The following SPOCK3 variants were observed in gnomAD, a reference collection of about 807,000 sequenced individuals.
SPOCK3 encodes SPARC (osteonectin), cwcv and kazal like domains proteoglycan 3, also known as testican-3.
Under a neutral mutation model 56.6 loss-of-function variants are expected in SPOCK3, and 30 were observed. The ratio of observed to expected loss-of-function variants is 0.53; its 90% CI spans 0.40 to 0.72. SPOCK3 has a LOEUF of 0.72. Among genes scored for constraint, SPOCK3 ranks in the 30% least tolerant of loss-of-function variants. The pLI, the probability that SPOCK3 is intolerant of heterozygous loss-of-function variation, is 0.00. For missense variants in SPOCK3, 527 were observed against 530.0 expected (o/e 0.99, Z 0.06); for synonymous variants, 196 against 183.3 (o/e 1.07, Z -0.56).
chr4:166,776,612 C>G (rs535096253), intron 7 of SPOCK3, among the ~76,000 whole-genome samples: 1 of 152,136 alleles, frequency 6.6e-6, no homozygotes, highest in East Asian at 1.9e-4. Context: ...CCAAACAGTA[C>G]AAATTTATCA....
At chr4:166,798,910 G>GA (rs752939406) in intron 6 of SPOCK3, among the ~76,000 whole-genome samples, 85 of 151,878 alleles carry the variant, frequency 5.6e-4, no homozygotes, top group Admixed American at 1.0e-3. Flanking sequence ...TGATTGTGCA[G>GA]AAAAAAAATA....
intron 8 of SPOCK3, 50 bp downstream of exon 8, chr4:166,754,458 A>C (rs567534898): frequency 6.4e-7 from 1 of 1,567,668 alleles, no homozygotes; most frequent in South Asian, 1.2e-5. Context: ...AATAAGTAAA[A>C]TTTGACATGC....
In SPOCK3 at chr4:166,950,329, G is replaced by C. The variant is rs551070687; in HGVS notation, c.351-37586C>G. Among the ~76,000 whole-genome samples, 195 of 151,452 alleles carry C rather than the reference G, an allele frequency of 1.3e-3. 1 individual carries two copies. The Middle Eastern group carries it at 0.017, about 13-fold the overall frequency. The stretch of plus-strand genomic sequence containing the variant: ...GACTTTAAACCAACAAAGATCAAAA[G>C]AGACAAAGAAGGCCATTACATAATG... On this transcript the variant is annotated intron_variant, in intron 4 of 10. Coordinates refer to ENST00000357545, the MANE Select transcript of SPOCK3 (RefSeq NM_001040159.2).
chr4:167,042,989 G>T (rs1377508559), intron 3 of SPOCK3, among the ~76,000 whole-genome samples: 1 of 151,988 alleles, frequency 6.6e-6, no homozygotes, highest in East Asian at 1.9e-4. Context: ...CACACCACTG[G>T]TTCTCTCTTC....
At chr4:166,768,771 C>G (rs1037512405) in intron 7 of SPOCK3, among the ~76,000 whole-genome samples, 3 of 152,186 alleles carry the variant, frequency 2.0e-5, no homozygotes, top group Non-Finnish European at 4.4e-5. Context: ...GCATAATATC[C>G]TGCAGAGTGT....
At chr4:166,863,075 C>A (rs1398115552) in intron 6 of SPOCK3, among the ~76,000 whole-genome samples, 6 of 152,012 alleles carry the variant, frequency 3.9e-5, no homozygotes, top group African/African-American at 1.4e-4. Flanking sequence ...TGCCGAAACC[C>A]TACAAGCCAA....
chr4:167,208,067 T>G (rs1346322650), intron 2 of SPOCK3, among the ~76,000 whole-genome samples: 2 of 152,068 alleles, frequency 1.3e-5, no homozygotes, highest in Non-Finnish European at 2.9e-5. Context: ...TACTCCCAGA[T>G]TCCTAAGTAT....
At chr4:166,988,641 A>G (rs904296338) in intron 4 of SPOCK3, among the ~76,000 whole-genome samples, 1 of 152,114 alleles carries the variant, frequency 6.6e-6, no homozygotes. Context: ...CAGGCAACTA[A>G]TAATAGAATT....
At chr4:166,738,240 G>C (rs780813071) in intron 9 of SPOCK3, among the ~76,000 whole-genome samples, 1 of 149,574 alleles carries the variant, frequency 6.7e-6, no homozygotes, top group Non-Finnish European at 1.5e-5. Context: ...GTGTGTGTTT[G>C]TGTGTGTGTG....
intron 7 of SPOCK3, among the ~76,000 whole-genome samples, chr4:166,789,583 A>G (rs1354394995): frequency 6.6e-6 from 1 of 152,226 alleles, no homozygotes. Context: ...GTTTTTAACA[A>G]AGATATTAAA....
rs76343279 is a variant in SPOCK3, at chr4:166,808,192, T to C, written c.590-15903A>G. On this transcript the variant is annotated intron_variant, in intron 6 of 10. Coordinates refer to ENST00000357545, the MANE Select transcript of SPOCK3 (RefSeq NM_001040159.2). The stretch of plus-strand genomic sequence containing the variant: ...CCCTTTGTTTTTGTTTCTTTGTTTG[T>C]GTGATTGTTTGTTTGCTTGTTTTTT... Among the ~76,000 whole-genome samples, 56 of 152,240 alleles carry C rather than the reference T, an allele frequency of 3.7e-4. No individual in the cohort carries two copies. The East Asian group carries it at 5.2e-3, about 14-fold the overall frequency.
intron 4 of SPOCK3, among the ~76,000 whole-genome samples, chr4:166,920,799 T>C (rs1344949072): frequency 6.6e-6 from 1 of 152,182 alleles, no homozygotes; most frequent in Non-Finnish European, 1.5e-5. Flanking sequence ...AATGTCTTGA[T>C]TGTGAAAAAT....
At chr4:167,037,749 G>C (rs761829987) in intron 3 of SPOCK3, among the ~76,000 whole-genome samples, 29 of 152,132 alleles carry the variant, frequency 1.9e-4, no homozygotes, top group Non-Finnish European at 2.8e-4. Flanking sequence ...CTTAAGTGGA[G>C]GTGGCTTTAA....
intron 6 of SPOCK3, among the ~76,000 whole-genome samples, chr4:166,887,299 T>C (rs1003571934): frequency 6.6e-6 from 1 of 152,148 alleles, no homozygotes; most frequent in African/African-American, 2.4e-5. Flanking sequence ...AGTAAAGTCT[T>C]TTTCAAAGTC....
intron 6 of SPOCK3, among the ~76,000 whole-genome samples, chr4:166,820,692 T>G (rs1744838726): frequency 6.6e-6 from 1 of 151,838 alleles, no homozygotes; most frequent in African/African-American, 2.4e-5. Flanking sequence ...GGTGTGTTGG[T>G]GTGTACCTGT....
At chr4:166,780,620 C>A (rs550897178) in intron 7 of SPOCK3, among the ~76,000 whole-genome samples, 2 of 152,266 alleles carry the variant, frequency 1.3e-5, no homozygotes, top group South Asian at 4.1e-4. Flanking sequence ...GTTAAAAACA[C>A]AGCTGTACCT....
chr4:166,737,820 T>C (rs574237987), intron 9 of SPOCK3, among the ~76,000 whole-genome samples: 4 of 152,310 alleles, frequency 2.6e-5, no homozygotes, highest in South Asian at 4.1e-4. Flanking sequence ...GAACTGCTTA[T>C]AGTTCATGGA....
chr4:167,205,381 ATATATATAT>A (rs1734077800), intron 2 of SPOCK3, among the ~76,000 whole-genome samples: 1 of 42,610 alleles, frequency 2.3e-5, no homozygotes, highest in African/African-American at 1.0e-4. Context: ...TATATATATA[ATATATATAT>A]TTTATATATA....
At chr4:167,105,183 A>G (rs1759997339) in intron 2 of SPOCK3, among the ~76,000 whole-genome samples, 1 of 152,024 alleles carries the variant, frequency 6.6e-6, no homozygotes, top group Non-Finnish European at 1.5e-5. Flanking sequence ...AACTAATATT[A>G]TCTTAAGTAG....
Sources: gnomAD v4.1 joint callset for allele counts (sites outside exome capture counted in the v4.1 genomes callset) on GRCh38, gnomAD v4.1.1 for gene constraint, MANE v1.5 for transcripts, NCBI Gene and HGNC (gene_info 2026-07-23, HGNC 2026-07-21) for gene names.